HDAC4: variants seen among roughly 807,000 people sequenced by gnomAD.
HDAC4 encodes histone deacetylase A.
In HDAC4, 16 loss-of-function variants were observed where a neutral mutation model predicts 135.1. The ratio of observed to expected loss-of-function variants is 0.12; its 90% CI spans 0.08 to 0.18. HDAC4 has a LOEUF of 0.18. HDAC4 is among the 10% of genes least tolerant of loss of function. The pLI, the probability that HDAC4 is intolerant of heterozygous loss-of-function variation, is 1.00. For synonymous variants in HDAC4, 685 were observed against 653.4 expected, an observed-to-expected ratio of 1.05 and a Z score of -0.74; for missense variants, 1,143 against 1,511.8, an observed-to-expected ratio of 0.76 and a Z score of 4.05.
rs1041063023 is a variant in HDAC4 at position 239,299,913 on chromosome 2, G to A, written c.22+52765C>T. Among the ~76,000 whole-genome samples the A allele has an allele frequency of 6.6e-6, 1 of 152,174 alleles. No homozygotes were observed. Among genetic ancestry groups the A allele is most frequent in the Non-Finnish European group, 1.5e-5 (1 of 68,032 alleles). On this transcript the variant is annotated intron_variant, in intron 2 of 26. Coordinates refer to ENST00000543185, the MANE Select transcript of HDAC4 (RefSeq NM_001378414.1). The surrounding 1 kb of genome is among the most constrained non-coding windows in gnomAD (Gnocchi z 4.0). ...GGGAGACCGGCAGTCCTGGGGCTCG[G>A]GAGACAGGGGAGACAGAGAAGGAAG... is the stretch of plus-strand genomic sequence containing the variant.
In HDAC4 at chr2:239,119,317, G is replaced by T. The variant is rs1480850496; in HGVS notation, c.1534-4007C>A. Among the ~76,000 whole-genome samples, 3 of 152,202 alleles carry T rather than the reference G, an allele frequency of 2.0e-5. No homozygotes were observed. The East Asian group carries it at 5.8e-4, about 29-fold the overall frequency. ...ACAATGCCCTGGATGAGGAGCAGGA[G>T]GGATTCGGGAGGAGGGAGAGCAGCA... On this transcript the variant is annotated intron_variant, in intron 12 of 26. Coordinates refer to ENST00000543185, the MANE Select transcript of HDAC4 (RefSeq NM_001378414.1).
intron 2 of HDAC4, among the ~76,000 whole-genome samples, chr2:239,294,955 C>T (rs946103619): frequency 1.3e-5 from 2 of 152,076 alleles, no homozygotes; most frequent in Admixed American, 6.6e-5. Flanking sequence ...GGACAACGCC[C>T]GTCTGATAAG....
chr2:239,298,450 C>A, intron 2 of HDAC4: 2 of 1,142,156 alleles, frequency 1.8e-6, no homozygotes, highest in African/African-American at 1.6e-5. Flanking sequence ...CGTGGATACT[C>A]TAGGGTCCCA....
Position 239,389,324 on chromosome 2 carries a change from T to C in HDAC4, c.-220+11654A>G, listed in dbSNP as rs555919937. On this transcript the variant is annotated intron_variant, in intron 1 of 26. Transcript: ENST00000543185. ...TCTCCACAATAAATCTTGCTGCTGTTCACTCTTTGGGTCCGCACTACCTTT... is the reference window on the plus strand; with the variant it reads ...TCTCCACAATAAATCTTGCTGCTGTCCACTCTTTGGGTCCGCACTACCTTT... 3.9e-5 allele frequency among the ~76,000 whole-genome samples: 6 copies of C among 152,298 alleles called. No homozygotes were observed. The East Asian group carries it at 1.2e-3, about 29-fold the overall frequency.
intron 3 of HDAC4, among the ~76,000 whole-genome samples, chr2:239,231,144 A>G (rs1469350655): frequency 6.6e-6 from 1 of 152,198 alleles, no homozygotes; most frequent in Admixed American, 6.5e-5. Flanking sequence ...CTTTTGAAAC[A>G]TAACCTTAAA....
chr2:239,374,489 C>T (rs960064508), intron 1 of HDAC4, among the ~76,000 whole-genome samples: 2 of 135,064 alleles, frequency 1.5e-5, no homozygotes, highest in Admixed American at 8.4e-5. Flanking sequence ...CTGCAAGCTC[C>T]GCCTCCCGGG....
At chr2:239,177,369 A>G (rs2043841032) in intron 4 of HDAC4, among the ~76,000 whole-genome samples, 1 of 152,236 alleles carries the variant, frequency 6.6e-6, no homozygotes, top group African/African-American at 2.4e-5. Context: ...TGGCTCAATC[A>G]GTGGAGGTGA....
chr2:239,368,389 A>G (rs1694370207), intron 1 of HDAC4, among the ~76,000 whole-genome samples: 1 of 152,228 alleles, frequency 6.6e-6, no homozygotes, highest in Non-Finnish European at 1.5e-5. Context: ...AAAGCACAGT[A>G]CCATCTTGCG....
chr2:239,127,444 C>T (rs2040270838), intron 11 of HDAC4, among the ~76,000 whole-genome samples: 2 of 152,144 alleles, frequency 1.3e-5, no homozygotes, highest in African/African-American at 4.8e-5. Flanking sequence ...CTTCTGCATG[C>T]GTTCATCGAG....
intron 2 of HDAC4, among the ~76,000 whole-genome samples, chr2:239,345,639 C>G (rs1208478410): frequency 2.0e-5 from 3 of 150,276 alleles, no homozygotes; most frequent in African/African-American, 7.4e-5. Context: ...TAAAACAACA[C>G]TCTCAACCCT....
Position 239,115,693 on chromosome 2 carries a change from C to T in HDAC4, c.1534-383G>A, listed in dbSNP as rs916560180. Among the ~76,000 whole-genome samples the T allele has an allele frequency of 6.6e-6, 1 of 152,160 alleles. No individual in the cohort carries two copies. The highest frequency in any genetic ancestry group is 2.4e-5 in the African/African-American group (1 of 41,446). The stretch of plus-strand genomic sequence containing the variant: ...AGGGGAGAGGCCAATGCTGACCTCA[C>T]AGCCACAACTGCTAAGAGAAACAGC... On this transcript the variant is annotated intron_variant, in intron 12 of 26. Transcript: ENST00000543185. This position sits in a 1 kb window ranked among gnomAD's most constrained non-coding sequence, Gnocchi z 6.3.
intron 1 of HDAC4, among the ~76,000 whole-genome samples, chr2:239,399,758 G>C (rs543218517): frequency 2.0e-5 from 3 of 152,314 alleles, no homozygotes; most frequent in African/African-American, 7.2e-5. Flanking sequence ...AGAGCAAGCA[G>C]AACTGCTCTC....
intron 7 of HDAC4, among the ~76,000 whole-genome samples, chr2:239,152,245 C>A (rs965043551): frequency 1.3e-5 from 2 of 152,244 alleles, no homozygotes; most frequent in East Asian, 3.8e-4. Context: ...GTGAAGCCAT[C>A]TGACACCCAC....
intron 1 of HDAC4, among the ~76,000 whole-genome samples, chr2:239,367,262 G>A (rs562976598): frequency 2.6e-5 from 4 of 152,214 alleles, no homozygotes; most frequent in South Asian, 2.1e-4. Flanking sequence ...AACGAGAGCC[G>A]GTGTGAGAAG....
At chr2:239,179,939 G>A (rs930736450) in intron 4 of HDAC4, among the ~76,000 whole-genome samples, 1 of 152,242 alleles carries the variant, frequency 6.6e-6, no homozygotes, top group African/African-American at 2.4e-5. Flanking sequence ...CGTTCTGAAT[G>A]TGAGTGAGCG....
At chr2:239,149,363 G>A (rs556774168) in intron 7 of HDAC4, among the ~76,000 whole-genome samples, 1 of 146,026 alleles carries the variant, frequency 6.8e-6, no homozygotes, top group Admixed American at 7.0e-5. Flanking sequence ...ACAGAGCGAC[G>A]TTCCGTTTCA....
rs954070636 is a variant in HDAC4, at chr2:239,400,542, G to A, written c.-220+436C>T. 10 of 145,560 alleles carry A rather than the reference G, an allele frequency of 6.9e-5. No individual in the cohort carries two copies. The highest frequency in any genetic ancestry group is 1.5e-4 in the Non-Finnish European group (10 of 65,496). 9.0% of individuals were successfully genotyped at this position (145,560 alleles called of 1,614,324 possible). On this transcript the variant is annotated intron_variant, in intron 1 of 26. Transcript: ENST00000543185. This position sits in a 1 kb window ranked among gnomAD's most constrained non-coding sequence, Gnocchi z 4.7. ...CGGCGGGTCCCACGGCGCGCGGCCA[G>A]CGCTGGCCCCCGCCTCCCACGGCCG...
At chr2:239,281,568 T>TCCAC (rs1470830274) in intron 2 of HDAC4, among the ~76,000 whole-genome samples, 1 of 139,178 alleles carries the variant, frequency 7.2e-6, no homozygotes, top group Non-Finnish European at 1.5e-5. Flanking sequence ...CACACCACTC[T>TCCAC]ACAATGTACA....
intron 3 of HDAC4, among the ~76,000 whole-genome samples, chr2:239,223,379 C>T (rs911430674): frequency 6.6e-5 from 10 of 152,326 alleles, no homozygotes; most frequent in African/African-American, 1.4e-4. Context: ...TTTCTGGAGA[C>T]CGGCGTGGGC....
Sources: gnomAD v4.1 joint callset for allele counts (sites outside exome capture counted in the v4.1 genomes callset) on GRCh38, gnomAD v4.1.1 for gene constraint, Gnocchi (gnomAD v3.1) non-coding constraint, MANE v1.5 for transcripts, NCBI Gene and HGNC (gene_info 2026-07-23, HGNC 2026-07-21) for gene names.